The following BBOX1 variants were observed in gnomAD, a reference collection of about 807,000 sequenced individuals.
BBOX1 encodes the protein gamma-butyrobetaine hydroxylase 1, also known as gamma-butyrobetaine dioxygenase.
A neutral mutation model predicts 41.6 loss-of-function variants in BBOX1; 35 were observed. The observed-to-expected ratio is 0.84, with a 90% CI of 0.64 to 1.11. The LOEUF (loss-of-function observed/expected upper bound fraction) is 1.11, where lower values mean the gene tolerates loss of function less well. Ranked by LOEUF, BBOX1 falls within the 50% of genes most tolerant of loss-of-function variation. The pLI is 0.00. For synonymous variants in BBOX1, 163 were observed against 154.7 expected, an observed-to-expected ratio of 1.05 and a Z score of -0.40; for missense variants, 458 against 460.6, an observed-to-expected ratio of 0.99 and a Z score of 0.05.
At chr11:27,057,030 C>A (rs1857000767) in intron 3 of BBOX1, among the ~76,000 whole-genome samples, 171 bp from the exon 4 acceptor site, 1 of 117,390 alleles carries the variant, frequency 8.5e-6, no homozygotes, top group South Asian at 2.7e-4. Flanking sequence ...TGCGCCACTG[C>A]ACTCCAGCCT....
At chr11:27,105,233 T>A (rs1356124040) in intron 5 of BBOX1, among the ~76,000 whole-genome samples, 1 of 152,150 alleles carries the variant, frequency 6.6e-6, no homozygotes, top group Non-Finnish European at 1.5e-5. Context: ...GGAACAAAGC[T>A]GGATGGAGAA....
chr11:27,045,396 C>G (rs1362153055), intron 2 of BBOX1, among the ~76,000 whole-genome samples: 1 of 152,174 alleles, frequency 6.6e-6, no homozygotes, highest in Non-Finnish European at 1.5e-5. Flanking sequence ...TTGACTTCTT[C>G]TTTTCCTAAT....
At chr11:27,074,080 G>A (rs1857558114) in intron 4 of BBOX1, among the ~76,000 whole-genome samples, 1 of 151,818 alleles carries the variant, frequency 6.6e-6, no homozygotes, top group Non-Finnish European at 1.5e-5. Context: ...AAAGTGTGTG[G>A]CACTTCCCCC....
At chr11:27,071,458 C>A (rs1034814615) in intron 4 of BBOX1, among the ~76,000 whole-genome samples, 23 of 151,734 alleles carry the variant, frequency 1.5e-4, no homozygotes, top group African/African-American at 5.3e-4. Flanking sequence ...GGCTCTGCGT[C>A]CTCACCCAAA....
intron 5 of BBOX1, among the ~76,000 whole-genome samples, chr11:27,105,849 G>A (rs1320409996): frequency 1.1e-4 from 17 of 152,176 alleles, no homozygotes; most frequent in Non-Finnish European, 2.1e-4. Context: ...GAGAAAGGTC[G>A]GGTTACCCAC....
chr11:27,068,448 C>G (rs1305438849), intron 4 of BBOX1, among the ~76,000 whole-genome samples: 1 of 151,868 alleles, frequency 6.6e-6, no homozygotes, highest in Non-Finnish European at 1.5e-5. Flanking sequence ...TGTTTGAGTT[C>G]CTTGTAGATT....
intron 4 of BBOX1, among the ~76,000 whole-genome samples, chr11:27,065,918 T>C (rs1857267701): frequency 6.6e-6 from 1 of 152,146 alleles, no homozygotes; most frequent in Admixed American, 6.5e-5. Flanking sequence ...TATCTTAAAA[T>C]ATTTAAAAAG....
At chr11:27,104,227 T>C (rs1007419073) in intron 5 of BBOX1, among the ~76,000 whole-genome samples, 7 of 152,166 alleles carry the variant, frequency 4.6e-5, no homozygotes, top group Non-Finnish European at 1.0e-4. Context: ...ACCGCCATTC[T>C]CACATTGCCC....
intron 4 of BBOX1, among the ~76,000 whole-genome samples, chr11:27,079,288 A>G (rs1454928304): frequency 6.6e-6 from 1 of 152,206 alleles, no homozygotes. Context: ...AGACTGGTCA[A>G]TTATGAACCT....
At chr11:27,101,706 T>A (rs1858665745) in intron 5 of BBOX1, among the ~76,000 whole-genome samples, 1 of 152,140 alleles carries the variant, frequency 6.6e-6, no homozygotes, top group Non-Finnish European at 1.5e-5. Flanking sequence ...ATTTTATTTT[T>A]AAATTATTTT....
intron 7 of BBOX1, among the ~76,000 whole-genome samples, chr11:27,124,093 C>A (rs1418693462): frequency 6.6e-6 from 1 of 152,140 alleles, no homozygotes; most frequent in Non-Finnish European, 1.5e-5. Flanking sequence ...ATTTGTACTT[C>A]ACTGTCAATG....
At chr11:27,125,485 GA>G (rs1018589723) in intron 7 of BBOX1, among the ~76,000 whole-genome samples, 168 bp from the exon 8 acceptor site, 2 of 151,642 alleles carry the variant, frequency 1.3e-5, no homozygotes, top group South Asian at 2.1e-4. Context: ...ATGAATGAAT[GA>G]AAAAAAAGAG....
At position 27,127,508 on chromosome 11, in the gene BBOX1, G is replaced by C; in HGVS notation, c.*55G>C. On this transcript the variant is annotated 3_prime_UTR_variant, in exon 9 of 9. Coordinates refer to ENST00000263182, the MANE Select transcript of BBOX1 (RefSeq NM_003986.3). ...CCAATGACCATATTTTGTGAGATAT[G>C]GCACATTATTCACAGACCATGATCT... 1 of 1,541,666 alleles carries C rather than the reference G, an allele frequency of 6.5e-7. No homozygotes were observed. Among genetic ancestry groups the C allele is most frequent in the Admixed American group, 2.1e-5 (1 of 46,816 alleles).
intron 4 of BBOX1, among the ~76,000 whole-genome samples, chr11:27,077,824 C>T (rs1354693664): frequency 6.6e-6 from 1 of 152,006 alleles, no homozygotes; most frequent in Non-Finnish European, 1.5e-5. Context: ...GATTGTCTCT[C>T]TTGCCAACAG....
intron 5 of BBOX1, among the ~76,000 whole-genome samples, chr11:27,112,410 C>T (rs1859103665): frequency 6.6e-6 from 1 of 151,812 alleles, no homozygotes; most frequent in African/African-American, 2.4e-5. Flanking sequence ...ATTTATTGAC[C>T]TGAGCAATAG....
At chr11:27,044,446 A>C (rs902254169) in intron 2 of BBOX1, among the ~76,000 whole-genome samples, 3 of 152,172 alleles carry the variant, frequency 2.0e-5, no homozygotes, top group South Asian at 4.1e-4. Flanking sequence ...AATTAGATCC[A>C]GTTTGTCAAT....
chr11:27,120,916 C>T (rs1052584250), intron 7 of BBOX1, among the ~76,000 whole-genome samples: 8 of 152,024 alleles, frequency 5.3e-5, no homozygotes, highest in Non-Finnish European at 8.8e-5. Context: ...AAAGATCTCT[C>T]CCCTCATATA....
intron 4 of BBOX1, among the ~76,000 whole-genome samples, chr11:27,058,508 C>T (rs943677854): frequency 6.6e-6 from 1 of 152,088 alleles, no homozygotes; most frequent in Non-Finnish European, 1.5e-5. Flanking sequence ...CAGAAGAAGA[C>T]AGGGTAAGTT....
At chr11:27,047,067 G>A (rs1174884656) in intron 2 of BBOX1, 1 of 152,156 alleles carries the variant, frequency 6.6e-6, no homozygotes, top group Non-Finnish European at 1.5e-5. Flanking sequence ...GGATTGTGAA[G>A]AGAAGGAATG....
Sources: allele counts gnomAD v4.1 joint callset (sites outside exome capture counted in the v4.1 genomes callset), GRCh38; gene constraint gnomAD v4.1.1; transcripts MANE v1.5; gene names NCBI Gene and HGNC (gene_info 2026-07-23, HGNC 2026-07-21).